LMO7: variants seen among roughly 807,000 people sequenced by gnomAD.
LMO7 encodes the protein LIM domain 7.
A neutral mutation model predicts 206.5 loss-of-function variants in LMO7; 120 were observed. The ratio of observed to expected loss-of-function variants is 0.58; its 90% CI spans 0.50 to 0.68. The LOEUF (loss-of-function observed/expected upper bound fraction) is 0.68. Ranked by LOEUF, LMO7 falls within the 30% of genes least tolerant of loss-of-function variation. The pLI is 0.00. For synonymous variants in LMO7, 706 were observed against 681.5 expected (o/e 1.04, Z -0.56); for missense variants, 1,959 against 1,957.9 (o/e 1.00, Z -0.01).
chr13:75,795,329 GT>G (rs534270495), intron 4 of LMO7, 71 bp from the exon 5 acceptor site: 15 of 1,023,624 alleles, frequency 1.5e-5, no homozygotes, highest in African/African-American at 1.2e-4. Context: ...ATAAAAATGA[GT>G]TTTTTTCTAG....
chr13:75,677,736 C>T (rs1369592166), intron 1 of LMO7, among the ~76,000 whole-genome samples: 4 of 150,742 alleles, frequency 2.7e-5, no homozygotes, highest in Non-Finnish European at 5.9e-5. Flanking sequence ...TGGTGTGCTG[C>T]ACCCATTAAC....
intron 2 of LMO7, among the ~76,000 whole-genome samples, chr13:75,722,473 G>A (rs2044103853): frequency 6.6e-6 from 1 of 152,084 alleles, no homozygotes; most frequent in East Asian, 1.9e-4. Flanking sequence ...TCAGGGAAAT[G>A]CAAATCAAAA....
intron 15 of LMO7, among the ~76,000 whole-genome samples, chr13:75,827,174 C>G (rs546031710): frequency 6.6e-6 from 1 of 152,148 alleles, no homozygotes. Flanking sequence ...TTAAGTTTTA[C>G]GGACTTGAAC....
chr13:75,724,070 C>T (rs971336227), intron 2 of LMO7, among the ~76,000 whole-genome samples: 11 of 152,080 alleles, frequency 7.2e-5, no homozygotes, highest in African/African-American at 2.7e-4. Flanking sequence ...AATCACCTTC[C>T]AGGGGCTCCA....
At chr13:75,744,849 G>T (rs1477685695) in intron 3 of LMO7, among the ~76,000 whole-genome samples, 1 of 152,188 alleles carries the variant, frequency 6.6e-6, no homozygotes, top group Non-Finnish European at 1.5e-5. Context: ...GTTGCAGGGA[G>T]TACAGCCTTG....
chr13:75,766,504 A>G (rs1227348683), intron 4 of LMO7, among the ~76,000 whole-genome samples: 1 of 152,114 alleles, frequency 6.6e-6, no homozygotes, highest in Non-Finnish European at 1.5e-5. Flanking sequence ...TCTATGTGGC[A>G]TATACTTACA....
intron 1 of LMO7, among the ~76,000 whole-genome samples, chr13:75,700,842 C>G (rs865877535): frequency 6.6e-6 from 1 of 152,206 alleles, no homozygotes; most frequent in South Asian, 2.1e-4. Flanking sequence ...CAATTTAAAA[C>G]TTAAGAATTG....
intron 1 of LMO7, among the ~76,000 whole-genome samples, chr13:75,648,228 G>A (rs1253805902): frequency 6.6e-6 from 1 of 152,114 alleles, no homozygotes; most frequent in Non-Finnish European, 1.5e-5. Context: ...GATTGCAGGC[G>A]TGGGCCACTG....
intron 3 of LMO7, among the ~76,000 whole-genome samples, chr13:75,734,625 T>A (rs983541520): frequency 6.6e-6 from 1 of 152,192 alleles, no homozygotes; most frequent in African/African-American, 2.4e-5. Flanking sequence ...AGAGTGTTTC[T>A]CAGAAAATAT....
intron 4 of LMO7, among the ~76,000 whole-genome samples, chr13:75,773,467 G>A (rs1384475632): frequency 1.3e-5 from 2 of 152,168 alleles, no homozygotes; most frequent in Non-Finnish European, 2.9e-5. Flanking sequence ...GAACAAGTAT[G>A]GAGGCTGAGA....
chr13:75,829,131 G>C (rs751241956), intron 15 of LMO7, among the ~76,000 whole-genome samples: 7 of 152,154 alleles, frequency 4.6e-5, no homozygotes, highest in Non-Finnish European at 7.4e-5. Flanking sequence ...ACAAAAGCAT[G>C]TAGTCAGAGA....
intron 14 of LMO7, 75 bp from the exon 15 acceptor site, chr13:75,823,490 A>T: frequency 8.7e-7 from 1 of 1,152,176 alleles, no homozygotes; most frequent in Non-Finnish European, 1.2e-6. Context: ...TAAAATATTA[A>T]TTTAATAAAC....
chr13:75,785,140 G>A (rs1186933998), intron 4 of LMO7, among the ~76,000 whole-genome samples: 9 of 152,090 alleles, frequency 5.9e-5, no homozygotes, highest in Non-Finnish European at 1.2e-4. Flanking sequence ...TGGCAACAGG[G>A]TTTGAATCAA....
chr13:75,654,675 G>C (rs567534974), intron 1 of LMO7, among the ~76,000 whole-genome samples: 1 of 152,238 alleles, frequency 6.6e-6, no homozygotes, highest in African/African-American at 2.4e-5. Context: ...AATTTTCCTA[G>C]CAGGATTTTC....
chr13:75,828,799 G>A (rs916332432), intron 15 of LMO7, among the ~76,000 whole-genome samples: 1 of 152,184 alleles, frequency 6.6e-6, no homozygotes, highest in Non-Finnish European at 1.5e-5. Context: ...GATAACCCAA[G>A]GGAGGGTGGC....
intron 26 of LMO7, among the ~76,000 whole-genome samples, chr13:75,848,094 G>A (rs1316236633): frequency 6.6e-6 from 1 of 151,896 alleles, no homozygotes; most frequent in African/African-American, 2.4e-5. Flanking sequence ...GGTTTTTGGG[G>A]AACAGGTGGT....
At chr13:75,694,175 A>G (rs1169449781) in intron 1 of LMO7, among the ~76,000 whole-genome samples, 1 of 152,254 alleles carries the variant, frequency 6.6e-6, no homozygotes, top group Non-Finnish European at 1.5e-5. Context: ...ATAAGGCAGA[A>G]TGGTGTAACT....
At chr13:75,667,834 C>G (rs530987357) in intron 1 of LMO7, among the ~76,000 whole-genome samples, 1 of 152,272 alleles carries the variant, frequency 6.6e-6, no homozygotes, top group South Asian at 2.1e-4. Flanking sequence ...TGGATTATAT[C>G]CTGGACATTA....
At chr13:75,701,161 ACATGTAGTGACCTTTTTGCTTCTGGAAG>A (rs1293138828) in intron 1 of LMO7, among the ~76,000 whole-genome samples, 2 of 38,448 alleles carry the variant, frequency 5.2e-5, no homozygotes, top group African/African-American at 5.0e-4. Flanking sequence ...TGGAAGGTTG[ACATGTAGTGACCTTTTTGCTTCTGGAAG>A]GTTGACAGAT....
Sources: allele counts gnomAD v4.1 joint callset (sites outside exome capture counted in the v4.1 genomes callset), GRCh38; gene constraint gnomAD v4.1.1; transcripts MANE v1.5; gene names NCBI Gene and HGNC (gene_info 2026-07-23, HGNC 2026-07-21).